The following TIAM1 variants were observed in gnomAD, a reference collection of about 807,000 sequenced individuals.
TIAM1 encodes rho guanine nucleotide exchange factor TIAM1.
Under a neutral mutation model 163.5 loss-of-function variants are expected in TIAM1, and 65 were observed. The observed-to-expected ratio is 0.40, with a 90% CI of 0.33 to 0.49. The LOEUF is 0.49. TIAM1 is among the 20% of genes least tolerant of loss of function. The probability of loss-of-function intolerance (pLI) is 0.77; values close to 1 mark genes in which losing one functional copy is unlikely to be tolerated. For missense variants in TIAM1, 1,789 were observed against 2,044.7 expected (o/e 0.87, Z 2.41); for synonymous variants, 833 against 810.1 (o/e 1.03, Z -0.48).
At chr21:31,191,976 T>C (rs754654853) in intron 13 of TIAM1, among the ~76,000 whole-genome samples, 8 of 152,208 alleles carry the variant, frequency 5.3e-5, no homozygotes, top group South Asian at 2.1e-4. Flanking sequence ...ATAATCATTA[T>C]GGAGCATCTA....
rs538581094 is a variant in TIAM1, at chr21:31,161,858, A to T, written c.2991+3104T>A. ...TATTCTCAAGAAAAGCTTCACACTT[A>T]TATAGGAGACGCATCAAAAAATATT... On this transcript the variant is annotated intron_variant, in intron 16 of 27. Coordinates refer to ENST00000541036, the MANE Select transcript of TIAM1 (RefSeq NM_001353694.2). Among the ~76,000 whole-genome samples, 3 of 152,360 alleles carry T rather than the reference A, an allele frequency of 2.0e-5. No individual in the cohort carries two copies. In the East Asian group the frequency reaches 5.8e-4, roughly 29 times the overall value.
intron 16 of TIAM1, among the ~76,000 whole-genome samples, chr21:31,158,660 G>A (rs981036677): frequency 1.3e-5 from 2 of 152,054 alleles, no homozygotes; most frequent in South Asian, 4.1e-4. Context: ...TGAAAATTCT[G>A]TTTTATTAAA....
At chr21:31,466,026 C>T (rs1384854207) in intron 1 of TIAM1, among the ~76,000 whole-genome samples, 1 of 152,180 alleles carries the variant, frequency 6.6e-6, no homozygotes, top group Non-Finnish European at 1.5e-5. Flanking sequence ...TCTTGATATT[C>T]AGGCGAGGTT....
chr21:31,225,022 A>G (rs1437319889), intron 7 of TIAM1, among the ~76,000 whole-genome samples: 3 of 151,978 alleles, frequency 2.0e-5, no homozygotes, highest in Non-Finnish European at 2.9e-5. Flanking sequence ...CTCTCTCTAT[A>G]TATATCTATA....
chr21:31,377,438 T>C (rs775985389), intron 2 of TIAM1, among the ~76,000 whole-genome samples: 93 of 152,098 alleles, frequency 6.1e-4, no homozygotes, highest in Non-Finnish European at 1.0e-3. Context: ...ACACTGACCA[T>C]GGAGCTGGCT....
chr21:31,489,973 A>G lies in TIAM1; in HGVS notation c.-421-25938T>C, dbSNP rs549619564. ...AAGACTTTTTTATCCAGCCCTTCAT[A>G]TGAAAGTTTGTTCTAGGAAAAAAAA... On this transcript the variant is annotated intron_variant, in intron 1 of 28. Transcript: ENST00000286827. Among the ~76,000 whole-genome samples, 7 of 152,292 alleles carry G rather than the reference A, an allele frequency of 4.6e-5. No individual in the cohort carries two copies. The South Asian group carries it at 1.2e-3, about 27-fold the overall frequency.
At chr21:31,281,107 AAC>A (rs1491062116) in intron 2 of TIAM1, among the ~76,000 whole-genome samples, 42 of 150,574 alleles carry the variant, frequency 2.8e-4, no homozygotes, top group African/African-American at 7.9e-4. Flanking sequence ...AAAAAAAAAA[AAC>A]AACGACAAAA....
At chr21:31,453,823 T>C (rs2147332598) in intron 2 of TIAM1, among the ~76,000 whole-genome samples, 1 of 151,116 alleles carries the variant, frequency 6.6e-6, no homozygotes, top group Non-Finnish European at 1.5e-5. Context: ...GGGGAAATAA[T>C]TGTGCTACAA....
At chr21:31,280,434 C>A (rs1389038195) in intron 2 of TIAM1, among the ~76,000 whole-genome samples, 4 of 151,988 alleles carry the variant, frequency 2.6e-5, no homozygotes, top group Admixed American at 1.3e-4. Context: ...GTGAGGCATC[C>A]CCAGCCACGT....
At chr21:31,389,270 C>A (rs1429368311) in intron 2 of TIAM1, among the ~76,000 whole-genome samples, 1 of 152,062 alleles carries the variant, frequency 6.6e-6, no homozygotes, top group African/African-American at 2.4e-5. Context: ...GGCTGGAGTG[C>A]AGTGGCACGA....
At chr21:31,397,181 T>A (rs1235665602) in intron 2 of TIAM1, among the ~76,000 whole-genome samples, 2 of 152,194 alleles carry the variant, frequency 1.3e-5, no homozygotes, top group Admixed American at 6.5e-5. Context: ...TAGGATTTTT[T>A]AGGTATCTTT....
At chr21:31,232,084 C>T (rs1001144613) in intron 6 of TIAM1, among the ~76,000 whole-genome samples, 1 of 151,934 alleles carries the variant, frequency 6.6e-6, no homozygotes, top group African/African-American at 2.4e-5. Flanking sequence ...TAACGTCACT[C>T]AACTGTCCAC....
intron 1 of TIAM1, among the ~76,000 whole-genome samples, chr21:31,522,225 T>C (rs1238423232): frequency 6.6e-6 from 1 of 151,468 alleles, no homozygotes; most frequent in African/African-American, 2.4e-5. Context: ...AAGAAATTAT[T>C]GCTGGGCCCG....
intron 2 of TIAM1, among the ~76,000 whole-genome samples, chr21:31,433,242 A>T (rs1274402323): frequency 1.3e-5 from 2 of 152,230 alleles, no homozygotes. Flanking sequence ...AGACTTCACC[A>T]GTATGAATGA....
intron 2 of TIAM1, among the ~76,000 whole-genome samples, chr21:31,351,832 C>T (rs1359705584): frequency 1.3e-5 from 2 of 152,106 alleles, no homozygotes; most frequent in African/African-American, 2.4e-5. Context: ...CTTTGGGAGG[C>T]CGAGGAGGGC....
rs72031739 is a variant in TIAM1 at position 31,167,088 on chromosome 21, CTTTTTTT to C, written c.2888-2030_2888-2024del. 2.2e-3 allele frequency among the ~76,000 whole-genome samples: 273 copies of C among 125,110 alleles called. 1 individual carries two copies. Among genetic ancestry groups the C allele is most frequent in the African/African-American group, 8.4e-3 (255 of 30,414 alleles). The allele number at this position is 125,110 out of a possible 152,430, so 82.1% of individuals were successfully genotyped here. ...GTGGGAAAGCAAATAAAAGGATTTC[CTTTTTTT>C]TTTTTTTTTTTTTGAGATGGAGTTT... On this transcript the variant is annotated intron_variant, in intron 15 of 27. Transcript: ENST00000541036.
chr21:31,225,674 C>CTT, intron 7 of TIAM1, 52 bp downstream of exon 7: 1 of 1,484,828 alleles, frequency 6.7e-7, no homozygotes, highest in Non-Finnish European at 9.2e-7. Context: ...AAAAAAAACC[C>CTT]TTTTAGAGAC....
intron 2 of TIAM1, among the ~76,000 whole-genome samples, chr21:31,397,030 C>T (rs900668172): frequency 9.2e-5 from 14 of 152,070 alleles, no homozygotes; most frequent in South Asian, 2.1e-4. Flanking sequence ...AGGGATCCTT[C>T]GATCGCTGTG....
chr21:31,210,635 A>AGGG (rs1569031953), intron 10 of TIAM1, among the ~76,000 whole-genome samples: 15 of 26,960 alleles, frequency 5.6e-4, no homozygotes, highest in East Asian at 7.0e-4. Flanking sequence ...GAAAGAAAGA[A>AGGG]AGAAAGAAAG....
Sources: gnomAD v4.1 joint callset for allele counts (sites outside exome capture counted in the v4.1 genomes callset) on GRCh38, gnomAD v4.1.1 for gene constraint, MANE v1.5 for transcripts, NCBI Gene and HGNC (gene_info 2026-07-23, HGNC 2026-07-21) for gene names.